Variants in LUZP2 observed in about 807,000 individuals in gnomAD.
LUZP2 encodes leucine zipper protein 2.
In LUZP2, 52 loss-of-function variants were observed where a neutral mutation model predicts 51.6. The ratio of observed to expected loss-of-function variants is 1.01; its 90% CI spans 0.81 to 1.27. The LOEUF (loss-of-function observed/expected upper bound fraction) is 1.27. Among genes scored for constraint, LUZP2 ranks in the 50% most tolerant of loss-of-function variants. The pLI, the probability that LUZP2 is intolerant of heterozygous loss-of-function variation, is 0.00. For synonymous variants in LUZP2, 154 were observed against 137.3 expected, an observed-to-expected ratio of 1.12 and a Z score of -0.85; for missense variants, 436 against 395.4, an observed-to-expected ratio of 1.10 and a Z score of -0.87.
At chr11:25,032,108 T>C (rs1302723537) in intron 9 of LUZP2, among the ~76,000 whole-genome samples, 1 of 152,098 alleles carries the variant, frequency 6.6e-6, no homozygotes, top group Non-Finnish European at 1.5e-5. Context: ...AGCCAAAGGA[T>C]GTGACTAGGC....
chr11:24,709,723 C>G (rs1310808745), intron 1 of LUZP2, among the ~76,000 whole-genome samples: 7 of 152,100 alleles, frequency 4.6e-5, no homozygotes. Context: ...GGAATGTATA[C>G]AGCCTTCCAT....
chr11:24,784,297 T>C (rs1372787629), intron 5 of LUZP2, among the ~76,000 whole-genome samples: 2 of 151,918 alleles, frequency 1.3e-5, no homozygotes, highest in Non-Finnish European at 2.9e-5. Flanking sequence ...TTACCATTAA[T>C]GTTGAAAAAT....
chr11:25,013,262 G>T (rs1403286698), intron 9 of LUZP2, among the ~76,000 whole-genome samples: 1 of 151,754 alleles, frequency 6.6e-6, no homozygotes, highest in Non-Finnish European at 1.5e-5. Context: ...TGGGTTAATG[G>T]GTACAAACAT....
chr11:24,929,994 AC>A (rs1854397277), intron 7 of LUZP2, among the ~76,000 whole-genome samples: 1 of 152,126 alleles, frequency 6.6e-6, no homozygotes. Context: ...TCTGTCTTCG[AC>A]TTTTTTCACT....
chr11:24,919,939 T>A (rs1477255524), intron 7 of LUZP2, among the ~76,000 whole-genome samples: 1 of 151,756 alleles, frequency 6.6e-6, no homozygotes, highest in Non-Finnish European at 1.5e-5. Context: ...AATAATTGGT[T>A]AGCTAAGAAA....
chr11:24,917,509 G>C (rs1179554081), intron 7 of LUZP2, among the ~76,000 whole-genome samples: 1 of 152,082 alleles, frequency 6.6e-6, no homozygotes, highest in Non-Finnish European at 1.5e-5. Context: ...ATTAATTTTT[G>C]TATAAGGTGT....
chr11:24,583,017 G>T (rs754413490), intron 1 of LUZP2, among the ~76,000 whole-genome samples: 1 of 152,048 alleles, frequency 6.6e-6, no homozygotes, highest in Non-Finnish European at 1.5e-5. Flanking sequence ...TGTTAACAAG[G>T]TGCTTTCATG....
chr11:25,043,590 A>G (rs1858149024), intron 9 of LUZP2, among the ~76,000 whole-genome samples: 1 of 151,876 alleles, frequency 6.6e-6, no homozygotes, highest in South Asian at 2.1e-4. Flanking sequence ...TATGATATAT[A>G]TATATCCTTG....
rs181541896 is a variant in LUZP2 at position 24,956,933 on chromosome 11, T to A, written c.523-19658T>A. The stretch of plus-strand genomic sequence containing the variant: ...TTCCAATTCATGGAATAAAAAAAAA[T>A]TAGAATACAAACACCAACATTTTTG... On this transcript the variant is annotated intron_variant, in intron 7 of 11. Coordinates refer to ENST00000336930, the MANE Select transcript of LUZP2 (RefSeq NM_001009909.4). Among the ~76,000 whole-genome samples the A allele has an allele frequency of 2.5e-4, 38 of 152,162 alleles. 1 individual carries two copies. Among genetic ancestry groups the A allele is most frequent in the Middle Eastern group, 3.4e-3 (1 of 294 alleles).
intron 5 of LUZP2, among the ~76,000 whole-genome samples, chr11:24,799,262 T>C (rs2134112017): frequency 6.6e-6 from 1 of 152,158 alleles, no homozygotes; most frequent in Non-Finnish European, 1.5e-5. Flanking sequence ...GAAAACTGAG[T>C]AACACATAGG....
intron 9 of LUZP2, among the ~76,000 whole-genome samples, chr11:24,996,112 C>T (rs535718352): frequency 6.0e-5 from 9 of 151,246 alleles, no homozygotes; most frequent in Non-Finnish European, 1.2e-4. Flanking sequence ...TATTTAACAA[C>T]AAATTGTGTA....
At chr11:25,022,289 C>G (rs1857359407) in intron 9 of LUZP2, among the ~76,000 whole-genome samples, 1 of 152,036 alleles carries the variant, frequency 6.6e-6, no homozygotes, top group Non-Finnish European at 1.5e-5. Context: ...TGTAGTTCAT[C>G]CACCAGACTG....
rs774055774 is a variant in LUZP2, at chr11:24,763,358, C to G, written c.396+50C>G. 4 of 824,778 alleles carry G rather than the reference C, an allele frequency of 4.8e-6. No homozygotes were observed. In the South Asian group the frequency reaches 1.1e-4, roughly 23 times the overall value. The allele number at this position is 824,778 out of a possible 1,614,324, so 51.1% of individuals were successfully genotyped here. On this transcript the variant is annotated intron_variant, in intron 5 of 11. Coordinates refer to ENST00000336930, the MANE Select transcript of LUZP2 (RefSeq NM_001009909.4). The stretch of plus-strand genomic sequence containing the variant: ...CATTTTATATAGATCAAATAATATA[C>G]ATAAATGCACATATAAAGTTGCCAC...
At chr11:25,020,252 G>C (rs1396492973) in intron 9 of LUZP2, among the ~76,000 whole-genome samples, 1 of 152,020 alleles carries the variant, frequency 6.6e-6, no homozygotes, top group Non-Finnish European at 1.5e-5. Flanking sequence ...ATACTATTTT[G>C]TCTAGTGCTA....
intron 1 of LUZP2, among the ~76,000 whole-genome samples, chr11:24,622,256 C>G (rs1233610801): frequency 1.3e-5 from 2 of 151,522 alleles, no homozygotes; most frequent in African/African-American, 4.9e-5. Flanking sequence ...TTAGGTATAT[C>G]TCCTAATGCT....
chr11:24,687,486 G>A (rs934096649), intron 1 of LUZP2, among the ~76,000 whole-genome samples: 6 of 152,218 alleles, frequency 3.9e-5, no homozygotes, highest in South Asian at 2.1e-4. Flanking sequence ...TATCAGGTCC[G>A]TTTTACACAC....
At chr11:25,050,615 T>C (rs918019696) in intron 10 of LUZP2, among the ~76,000 whole-genome samples, 1 of 152,130 alleles carries the variant, frequency 6.6e-6, no homozygotes, top group African/African-American at 2.4e-5. Flanking sequence ...TAAATGTTCT[T>C]TTGTTATGAA....
intron 10 of LUZP2, among the ~76,000 whole-genome samples, chr11:25,062,978 T>A (rs1858890267): frequency 2.0e-5 from 3 of 151,674 alleles, no homozygotes; most frequent in Admixed American, 2.0e-4. Flanking sequence ...TTTCTTTTCT[T>A]TTTTTGTTTG....
chr11:24,839,814 C>T (rs1276592644), intron 5 of LUZP2, among the ~76,000 whole-genome samples: 2 of 151,428 alleles, frequency 1.3e-5, no homozygotes, highest in Admixed American at 6.6e-5. Flanking sequence ...AAGAAATAAT[C>T]GAAATGATAG....
Sources: allele counts gnomAD v4.1 joint callset (sites outside exome capture counted in the v4.1 genomes callset), GRCh38; gene constraint gnomAD v4.1.1; transcripts MANE v1.5; gene names NCBI Gene and HGNC (gene_info 2026-07-23, HGNC 2026-07-21).